ROBO3: variants seen among roughly 807,000 people sequenced by gnomAD.
ROBO3 encodes roundabout guidance receptor 3.
A neutral mutation model predicts 160.5 loss-of-function variants in ROBO3; 97 were observed. That is an observed-to-expected ratio of 0.60 (90% CI 0.51 to 0.72). ROBO3 has a LOEUF of 0.72. Ranked by LOEUF, ROBO3 falls within the 30% of genes least tolerant of loss-of-function variation. The probability of loss-of-function intolerance (pLI) is 0.00; values close to 1 mark genes in which losing one functional copy is unlikely to be tolerated. For synonymous variants in ROBO3, 780 were observed against 746.2 expected (o/e 1.05, Z -0.74); for missense variants, 1,858 against 1,846.5 (o/e 1.01, Z -0.11).
Position 124,868,825 on chromosome 11 carries a change from G to T in ROBO3, c.184G>T (p.Ala62Ser). ...LNGSRVGPEDAMPRIVEQPPD... is the reference protein window; with the variant it reads ...LNGSRVGPEDSMPRIVEQPPD... The stretch of plus-strand genomic sequence containing the variant: ...AGGGTCAAGGGTAGGACCGGAGGAC[G>T]CTATGCCCCGCATCGTGGAGCAGCC... Residue 62 changes from alanine to serine, a missense_variant, in exon 2 of 28, where the codon GCT becomes TCT. By Grantham distance (99) the Ala-to-Ser change is moderately conservative. Transcript: ENST00000397801. 9.3e-6 allele frequency: 15 copies of T among 1,609,778 alleles called. No individual in the cohort carries two copies. Among genetic ancestry groups the T allele is most frequent in the Non-Finnish European group, 1.3e-5 (15 of 1,178,604 alleles).
chr11:124,872,364 C>T lies in ROBO3; in HGVS notation c.1159-17C>T. The T allele has an allele frequency of 1.2e-6, 2 of 1,613,468 alleles. No individual in the cohort carries two copies. Among genetic ancestry groups the T allele is most frequent in the Non-Finnish European group, 1.7e-6 (2 of 1,179,472 alleles). On this transcript the variant is annotated splice_polypyrimidine_tract_variant and intron_variant, in intron 7 of 27. Transcript: ENST00000397801. This position sits in a 1 kb window ranked among gnomAD's most constrained non-coding sequence, Gnocchi z 4.3. Reference sequence around the variant, plus strand: ...TGCCTGCTCATTCCCTACCCTGGTTCCTTGCTCTGTCCCCAGGTCCTGCTT... The same window carrying T: ...TGCCTGCTCATTCCCTACCCTGGTTTCTTGCTCTGTCCCCAGGTCCTGCTT...
Position 124,873,992 on chromosome 11 carries a change from A to G in ROBO3, c.1785-78A>G. 1 of 1,594,880 alleles carries G rather than the reference A, an allele frequency of 6.3e-7. No homozygotes were observed. The highest frequency in any genetic ancestry group is 8.6e-7 in the Non-Finnish European group (1 of 1,165,722). ...CAAGGGGAAGACATAATGGTCGTTCATAGAGAGTGGATGAGATGGAGTAGG... is the reference window on the plus strand; with the variant it reads ...CAAGGGGAAGACATAATGGTCGTTCGTAGAGAGTGGATGAGATGGAGTAGG... On this transcript the variant is annotated intron_variant, in intron 11 of 27. Coordinates refer to ENST00000397801, the MANE Select transcript of ROBO3 (RefSeq NM_022370.4). The surrounding 1 kb of genome is among the most constrained non-coding windows in gnomAD (Gnocchi z 4.5).
rs998893479 is a variant in ROBO3 at position 124,880,528 on chromosome 11, G to A, written c.4069G>A (p.Gly1357Ser). The change falls in exon 27 of 28, where the codon GGC becomes AGC. Residue 1357 changes from glycine (G) to serine (S), a missense_variant. Transcript: ENST00000397801. ...TTCCAGGGGCTCCAGCAGCTCTAGG[G>A]GCTCCCGGGGCCCTGGCCGGAGCCG... ...NSSRGSSSSR[G>S]SRGPGRSRSR... The A allele has an allele frequency of 2.5e-6, 4 of 1,569,934 alleles. No homozygotes were observed. The highest frequency in any genetic ancestry group is 2.8e-5 in the African/African-American group (2 of 72,126).
rs1478709624 is a variant in ROBO3 at position 124,877,961 on chromosome 11, C to T, written c.3011C>T (p.Ala1004Val). ...GAAGCGGGAATCTCCCTGTATCTAG[C>T]TCAGACGGCCAGGGGCACGGCCGCC... is the stretch of plus-strand genomic sequence containing the variant. ...YNEAGISLYL[A>V]QTARGTAAPG... The change falls in exon 21 of 28, where the codon GCT (alanine) becomes GTT (valine). Residue 1004 changes from alanine to valine, a missense_variant. Transcript: ENST00000397801. 6.2e-7 allele frequency: 1 copy of T among 1,608,502 alleles called. No homozygotes were observed. Among genetic ancestry groups the T allele is most frequent in the Admixed American group, 1.7e-5 (1 of 59,306 alleles).
In ROBO3 at chr11:124,868,985, G is replaced by C; in HGVS notation, c.344G>C (p.Arg115Pro). Residue 115 changes from arginine (R) to proline (P), a missense_variant, in exon 2 of 28, where the codon CGC (arginine) becomes CCC (proline). By Grantham distance (103) the Arg-to-Pro change is moderately radical (BLOSUM62 -2). Coordinates refer to ENST00000397801, the MANE Select transcript of ROBO3 (RefSeq NM_022370.4). ...ATVREDPRAH[R>P]LLLPSGALFF... is the part of the protein sequence containing the mutation. Reference sequence around the variant, plus strand: ...GTGCGGGAGGATCCGCGTGCGCACCGCCTGCTGCTGCCCAGCGGCGCCCTC... The same window carrying C: ...GTGCGGGAGGATCCGCGTGCGCACCCCCTGCTGCTGCCCAGCGGCGCCCTC... 1 of 1,600,084 alleles carries C rather than the reference G, an allele frequency of 6.2e-7. No individual in the cohort carries two copies. The highest frequency in any genetic ancestry group is 1.7e-5 in the Admixed American group (1 of 57,910).
At chr11:124,875,905 G>A in intron 15 of ROBO3, 49 bp from the exon 16 acceptor site, 1 of 1,562,596 alleles carries the variant, frequency 6.4e-7, no homozygotes, top group Middle Eastern at 1.7e-4. Context: ...TTCCCGGTGA[G>A]GCTAAGAATC....
intron 15 of ROBO3, 59 bp downstream of exon 15, chr11:124,875,744 C>T: frequency 1.3e-6 from 2 of 1,550,140 alleles, no homozygotes; most frequent in Non-Finnish European, 1.8e-6. Context: ...GAGGGAGGAC[C>T]TAGTGGCTAG....
chr11:124,880,049 A>G, intron 26 of ROBO3, 101 bp downstream of exon 26: 1 of 1,174,818 alleles, frequency 8.5e-7, no homozygotes, highest in Non-Finnish European at 1.2e-6. Context: ...CCCTTTAGTT[A>G]GGTTCATGCA....
chr11:124,872,829 T>C lies in ROBO3; in HGVS notation c.1331-55T>C. The C allele has an allele frequency of 7.1e-7, 1 of 1,418,140 alleles. No homozygotes were observed. The highest frequency in any genetic ancestry group is 2.5e-5 in the East Asian group (1 of 40,398). The allele number at this position is 1,418,140 out of a possible 1,614,324, so 87.8% of individuals were successfully genotyped here. A position where few individuals can be genotyped will look rare whatever the true frequency, so the allele number is the denominator to read the frequency against. The stretch of plus-strand genomic sequence containing the variant: ...GGAGCAGAGAATGAGGACAAGGGGC[T>C]GCCCGCGGGGCCCTAAGCTCCTCCC... On this transcript the variant is annotated intron_variant, in intron 8 of 27. Coordinates refer to ENST00000397801, the MANE Select transcript of ROBO3 (RefSeq NM_022370.4). The surrounding 1 kb of genome is among the most constrained non-coding windows in gnomAD (Gnocchi z 4.3).
At chr11:124,880,390 C>T (rs760623585) in intron 26 of ROBO3, 28 bp from the exon 27 acceptor site, 4 of 1,611,276 alleles carry the variant, frequency 2.5e-6, no homozygotes, top group Non-Finnish European at 3.4e-6. Flanking sequence ...CTGCCTGCAC[C>T]TGGCTACCCT....
chr11:124,870,202 G>A lies in ROBO3; in HGVS notation c.804G>A (p.Val268=), dbSNP rs1443188423. The change falls in exon 5 of 28, where the codon GTG becomes GTA. Residue 268 remains valine, a synonymous_variant. Coordinates refer to ENST00000397801, the MANE Select transcript of ROBO3 (RefSeq NM_022370.4). ...PSFLRRPVNQ[V]VLADAPVTFL... ...TCCTGCGCAGACCAGTGAATCAGGT[G>A]GTCCTGGCTGATGCCCCTGTGACTT... is the stretch of plus-strand genomic sequence containing the variant. 3 of 1,614,060 alleles carry A rather than the reference G, an allele frequency of 1.9e-6. No individual in the cohort carries two copies. The South Asian group carries it at 3.3e-5, about 18-fold the overall frequency.
rs1428484231 is a variant in ROBO3 at position 124,869,398 on chromosome 11, C to T, written c.488-52C>T. Reference sequence around the variant, plus strand: ...ACAACACTTTCCCTGTGTCCTCAGCCAGTTATGTCACTCTACACCCTGCTT... The same window carrying T: ...ACAACACTTTCCCTGTGTCCTCAGCTAGTTATGTCACTCTACACCCTGCTT... On this transcript the variant is annotated intron_variant, in intron 2 of 27. Coordinates refer to ENST00000397801, the MANE Select transcript of ROBO3 (RefSeq NM_022370.4). This position sits in a 1 kb window ranked among gnomAD's most constrained non-coding sequence, Gnocchi z 4.2. 3.4e-6 allele frequency: 5 copies of T among 1,456,126 alleles called. No homozygotes were observed. The highest frequency in any genetic ancestry group is 2.8e-6 in the Non-Finnish European group (3 of 1,062,138). The allele number at this position is 1,456,126 out of a possible 1,614,324, so 90.2% of individuals were successfully genotyped here.
At position 124,878,964 on chromosome 11, in the gene ROBO3, A is replaced by G. The variant is rs1946481488; in HGVS notation, c.3533+168A>G. On this transcript the variant is annotated intron_variant, in intron 23 of 27. Transcript: ENST00000397801. This position sits in a 1 kb window ranked among gnomAD's most constrained non-coding sequence, Gnocchi z 4.3. ...TTGGGCAGGAATATGGAGGCTGACA[A>G]GATCTCTCATGCCCATTAGACTGGC... The G allele has an allele frequency of 3.9e-6, 3 of 767,904 alleles. No homozygotes were observed. The highest frequency in any genetic ancestry group is 1.7e-5 in the African/African-American group (1 of 57,460). 47.6% of individuals were successfully genotyped at this position (767,904 alleles called of 1,614,324 possible).
rs374797175 is a variant in ROBO3 at position 124,874,212 on chromosome 11, G to A, written c.1927G>A (p.Val643Ile). The change falls in exon 12 of 28, where the codon GTC (valine) becomes ATC (isoleucine). Residue 643 changes from valine to isoleucine, a missense_variant. Val to Ile is a conservative substitution (Grantham distance 29). Coordinates refer to ENST00000397801, the MANE Select transcript of ROBO3 (RefSeq NM_022370.4). ...CTGGGGCCTCAGTGAGCCCAGCCCC[G>A]TCTCTGAGCCTGTCCGTACACAGGG... ...GAWGLSEPSP[V>I]SEPVRTQDSS... 53 of 1,613,700 alleles carry A rather than the reference G, an allele frequency of 3.3e-5. No homozygotes were observed. The highest frequency in any genetic ancestry group is 1.2e-4 in the Admixed American group (7 of 60,000).
In ROBO3 at chr11:124,870,161, A is replaced by G; in HGVS notation, c.767-4A>G. 2 of 1,614,034 alleles carry G rather than the reference A, an allele frequency of 1.2e-6. No homozygotes were observed. Among genetic ancestry groups the G allele is most frequent in the Non-Finnish European group, 8.5e-7 (1 of 1,179,888 alleles). On this transcript the variant is annotated splice_polypyrimidine_tract_variant and splice_region_variant and intron_variant, in intron 4 of 27. Transcript: ENST00000397801. The stretch of plus-strand genomic sequence containing the variant: ...CTGACTGTTCACTCACTACCACTCC[A>G]TAGAGCGTCCCTCATTCCTGCGCAG...
At position 124,870,640 on chromosome 11, in the gene ROBO3, T is replaced by C. The variant is rs761940811; in HGVS notation, c.945T>C (p.His315=). The change falls in exon 6 of 28, where the codon CAT becomes CAC. Residue 315 remains histidine, a synonymous_variant. Coordinates refer to ENST00000397801, the MANE Select transcript of ROBO3 (RefSeq NM_022370.4). ...GTGACCACAGCCTTTGGATTGGGCA[T>C]GTGAGTGCCGAAGATGAGGGAACGT... ...IRSDHSLWIG[H]VSAEDEGTYT... 12 of 1,613,436 alleles carry C rather than the reference T, an allele frequency of 7.4e-6. No individual in the cohort carries two copies. The highest frequency in any genetic ancestry group is 5.3e-5 in the African/African-American group (4 of 74,878).
chr11:124,879,690 G>C, intron 25 of ROBO3, 97 bp from the exon 26 acceptor site: 1 of 1,566,408 alleles, frequency 6.4e-7, no homozygotes, highest in Non-Finnish European at 8.7e-7. Context: ...ATCTTGGGCT[G>C]TTCATTGGCA....
intron 1 of ROBO3, among the ~76,000 whole-genome samples, chr11:124,866,462 G>T (rs1033122787): frequency 6.6e-6 from 1 of 152,202 alleles, no homozygotes; most frequent in African/African-American, 2.4e-5. Context: ...CGCGCCCCCT[G>T]CCTGCCGCAT....
chr11:124,873,699 G>A lies in ROBO3; in HGVS notation c.1621G>A (p.Asp541Asn), dbSNP rs1466155478. Residue 541 changes from aspartate (D) to asparagine (N), a missense_variant and splice_region_variant, in exon 11 of 28, where the codon GAC becomes AAC. Transcript: ENST00000397801. The surrounding 1 kb of genome is among the most constrained non-coding windows in gnomAD (Gnocchi z 4.5). ...TWSGWLKMRE[D>N]WGVSPDPPTE... ...TTAAAGATTATCTCCCACTGCAGAA[G>A]ACTGGGGAGTATCACCAGACCCCCC... 1 of 1,610,620 alleles carries A rather than the reference G, an allele frequency of 6.2e-7. No individual in the cohort carries two copies. The highest frequency in any genetic ancestry group is 8.5e-7 in the Non-Finnish European group (1 of 1,178,296).
Sources: gnomAD v4.1 joint callset for allele counts (sites outside exome capture counted in the v4.1 genomes callset) on GRCh38, gnomAD v4.1.1 for gene constraint, Gnocchi (gnomAD v3.1) non-coding constraint, MANE v1.5 for transcripts, NCBI Gene and HGNC (gene_info 2026-07-23, HGNC 2026-07-21) for gene names.